The following PATJ variants were observed in gnomAD, a reference collection of about 807,000 sequenced individuals.
The protein encoded by PATJ is inaD-like protein.
A neutral mutation model predicts 224.9 loss-of-function variants in PATJ; 190 were observed. The ratio of observed to expected loss-of-function variants is 0.84; its 90% CI spans 0.75 to 0.95. The LOEUF (loss-of-function observed/expected upper bound fraction) is 0.95. PATJ is among the 40% of genes least tolerant of loss of function. The probability of loss-of-function intolerance (pLI) is 0.00; values close to 1 mark genes in which losing one functional copy is unlikely to be tolerated. For missense variants in PATJ, 2,121 were observed against 2,270.3 expected, an observed-to-expected ratio of 0.93 and a Z score of 1.34; for synonymous variants, 769 against 820.3, an observed-to-expected ratio of 0.94 and a Z score of 1.07.
chr1:62,037,318 G>C (rs569356873), intron 29 of PATJ, among the ~76,000 whole-genome samples: 10 of 152,218 alleles, frequency 6.6e-5, no homozygotes, highest in Non-Finnish European at 1.3e-4. Context: ...GGTGAAAATA[G>C]GTCCAGATAA....
chr1:61,745,202 G>T (rs1311938812), intron 1 of PATJ, among the ~76,000 whole-genome samples: 1 of 152,178 alleles, frequency 6.6e-6, no homozygotes, highest in Non-Finnish European at 1.5e-5. Context: ...CAGGGTATGG[G>T]CAGGACCCCT....
At chr1:62,126,832 G>T (rs543391592) in intron 39 of PATJ, among the ~76,000 whole-genome samples, 1 of 150,052 alleles carries the variant, frequency 6.7e-6, no homozygotes, top group Non-Finnish European at 1.5e-5. Context: ...GCTGCATAGG[G>T]TGTTGTGTGT....
At chr1:61,898,588 T>C (rs570919112) in intron 22 of PATJ, among the ~76,000 whole-genome samples, 85 of 152,202 alleles carry the variant, frequency 5.6e-4, no homozygotes, top group African/African-American at 2.0e-3. Flanking sequence ...GATTTTTGTA[T>C]AGAGTAATAC....
chr1:61,869,364 C>T, intron 20 of PATJ, among the ~76,000 whole-genome samples: 1 of 152,030 alleles, frequency 6.6e-6, no homozygotes, highest in African/African-American at 2.4e-5. Flanking sequence ...CCTCGGCCTC[C>T]CAAAGTTAAC....
At position 62,125,614 on chromosome 1, in the gene PATJ, G is replaced by A. The variant is rs578183678; in HGVS notation, c.5044-2358G>A. On this transcript the variant is annotated intron_variant, in intron 39 of 43. Coordinates refer to ENST00000642238, the MANE Select transcript of PATJ (RefSeq NM_001350145.3). ...AAACATCATGATGGATTTAAACAAA[G>A]CCAAAACATTATTGCATAAATTTCT... 2.0e-5 allele frequency among the ~76,000 whole-genome samples: 3 copies of A among 152,220 alleles called. No individual in the cohort carries two copies. In the East Asian group the frequency reaches 5.8e-4, roughly 29 times the overall value.
intron 28 of PATJ, among the ~76,000 whole-genome samples, chr1:61,999,228 C>G (rs1442986828): frequency 6.6e-6 from 1 of 152,192 alleles, no homozygotes; most frequent in Non-Finnish European, 1.5e-5. Context: ...GGATTGTTCT[C>G]TGGGCCTCCA....
At chr1:61,956,998 C>T (rs568562393) in intron 27 of PATJ, among the ~76,000 whole-genome samples, 1 of 152,278 alleles carries the variant, frequency 6.6e-6, no homozygotes, top group Admixed American at 6.5e-5. Flanking sequence ...CTGTTTCTTT[C>T]GCTTTGCATT....
chr1:61,809,515 G>A (rs1346486026), intron 14 of PATJ, among the ~76,000 whole-genome samples: 1 of 151,392 alleles, frequency 6.6e-6, no homozygotes, highest in South Asian at 2.1e-4. Context: ...AGCCTCTCTA[G>A]TAGCTAGGAT....
At chr1:61,810,706 AT>A (rs1263274868) in intron 14 of PATJ, among the ~76,000 whole-genome samples, 30 of 86,314 alleles carry the variant, frequency 3.5e-4, no homozygotes, top group African/African-American at 1.3e-3. Context: ...CAAAAAATAA[AT>A]AAATAAATAA....
chr1:62,114,002 G>C (rs1283559823), intron 34 of PATJ, 51 bp from the exon 35 acceptor site: 5 of 1,559,396 alleles, frequency 3.2e-6, no homozygotes, highest in African/African-American at 1.4e-5. Flanking sequence ...AGACAGAGAA[G>C]GCAGAGACCT....
In PATJ at chr1:62,084,608, G is replaced by C. The variant is rs367578105; in HGVS notation, c.4337G>C (p.Gly1446Ala). The C allele has an allele frequency of 4.3e-4, 694 of 1,613,204 alleles. No individual in the cohort carries two copies. Among genetic ancestry groups the C allele is most frequent in the Middle Eastern group, 1.2e-3 (7 of 6,062 alleles). ...MIIEISKGRS[G>A]LGLSIVGGKD... ...ATAGAAATATCCAAGGGACGTTCAG[G>C]GCTTGGTCTCAGCATTGTGGGAGGA... Residue 1446 changes from glycine to alanine, a missense_variant, in exon 33 of 44, where the codon GGG (glycine) becomes GCG (alanine). Transcript: ENST00000642238.
intron 41 of PATJ, among the ~76,000 whole-genome samples, chr1:62,137,378 T>G (rs113631078): frequency 3.5e-4 from 41 of 118,744 alleles, no homozygotes; most frequent in African/African-American, 1.4e-3. Context: ...ATAAGTGAGT[T>G]TCGTCGGAGG....
intron 4 of PATJ, among the ~76,000 whole-genome samples, chr1:61,768,860 A>G (rs531100074): frequency 2.2e-4 from 33 of 152,312 alleles, no homozygotes; most frequent in African/African-American, 7.5e-4. Context: ...AGATCACGCC[A>G]CTGCACTCTA....
chr1:61,969,725 C>G (rs12740631), intron 27 of PATJ, among the ~76,000 whole-genome samples: 35,927 of 151,908 alleles, frequency 0.24, 4,806 homozygotes, highest in African/African-American at 0.36. Flanking sequence ...ACACAGCCTC[C>G]CTCTGTCGCT....
intron 1 of PATJ, among the ~76,000 whole-genome samples, chr1:61,751,499 C>T (rs773767870): frequency 6.6e-6 from 1 of 151,924 alleles, no homozygotes; most frequent in Non-Finnish European, 1.5e-5. Flanking sequence ...CATTGTTGCT[C>T]GTTGGAGAAA....
chr1:61,874,195 T>C (rs1229592684), intron 20 of PATJ, among the ~76,000 whole-genome samples: 1 of 149,486 alleles, frequency 6.7e-6, no homozygotes, highest in Admixed American at 6.7e-5. Context: ...TTTATTTATT[T>C]ATTTATTTAT....
intron 19 of PATJ, among the ~76,000 whole-genome samples, chr1:61,863,027 G>GTTTTTGTTTTTTTTTTT (rs1664859152): frequency 1.3e-5 from 1 of 79,996 alleles, no homozygotes; most frequent in Non-Finnish European, 2.5e-5. Context: ...ACTGTTTTCA[G>GTTTTTGTTTTTTTTTTT]TTTTTTTTTT....
At chr1:62,074,527 G>A (rs1657983692) in intron 31 of PATJ, among the ~76,000 whole-genome samples, 2 of 151,934 alleles carry the variant, frequency 1.3e-5, no homozygotes, top group African/African-American at 4.8e-5. Flanking sequence ...TCAAACTCCT[G>A]GGCTCAAGCA....
chr1:62,039,862 C>A (rs114698807), intron 30 of PATJ, among the ~76,000 whole-genome samples: 2,439 of 152,134 alleles, frequency 0.016, 43 homozygotes, highest in African/African-American at 0.039. Context: ...ACTGCTGGTG[C>A]CTTCTTGTGC....
Sources: allele counts gnomAD v4.1 joint callset (sites outside exome capture counted in the v4.1 genomes callset), GRCh38; gene constraint gnomAD v4.1.1; transcripts MANE v1.5; gene names NCBI Gene and HGNC (gene_info 2026-07-23, HGNC 2026-07-21).